CCNH: variants seen among roughly 807,000 people sequenced by gnomAD.
The protein encoded by CCNH is cyclin-H.
CCNH carries 31 observed loss-of-function variants against 41.9 expected under a neutral mutation model. The ratio of observed to expected loss-of-function variants is 0.74; its 90% CI spans 0.56 to 1.00. The LOEUF (loss-of-function observed/expected upper bound fraction) is 1.00. Among genes scored for constraint, CCNH ranks in the 50% least tolerant of loss-of-function variants. CCNH has a pLI of 0.00. For synonymous variants in CCNH, 138 were observed against 136.1 expected, an observed-to-expected ratio of 1.01 and a Z score of -0.10; for missense variants, 362 against 388.4, an observed-to-expected ratio of 0.93 and a Z score of 0.57.
chr5:87,358,881 C>T (rs1027366225), intron 9 of CCNH, among the ~76,000 whole-genome samples: 1 of 152,296 alleles, frequency 6.6e-6, no homozygotes, highest in East Asian at 1.9e-4. Context: ...ATTGTTTTCT[C>T]TTGGATATCC....
At chr5:87,399,634 T>C (rs1395834329) in intron 6 of CCNH, 129 bp from the exon 7 acceptor site, 2 of 667,718 alleles carry the variant, frequency 3.0e-6, no homozygotes, top group East Asian at 5.1e-5. Flanking sequence ...TTCTCAGGAT[T>C]TGCATCATTC....
chr5:87,374,139 ATATATATAT>A, downstream of CCNH: 1 of 1,374,660 alleles, frequency 7.3e-7, no homozygotes. Context: ...GGTAATATAT[ATATATATAT>A]TTTTTTTTTT....
intron 9 of CCNH, among the ~76,000 whole-genome samples, chr5:87,323,096 G>C (rs1208927317): frequency 6.6e-6 from 1 of 152,178 alleles, no homozygotes; most frequent in African/African-American, 2.4e-5. Flanking sequence ...AATTTGAGCT[G>C]ATGGATAACT....
chr5:87,391,621 T>G (rs1762526936), downstream of CCNH: 1 of 234,924 alleles, frequency 4.3e-6, no homozygotes, highest in Non-Finnish European at 8.4e-6. Flanking sequence ...TAAATATTAT[T>G]GGTTGTTGTA....
At chr5:87,347,879 G>T (rs1282844713) in intron 9 of CCNH, among the ~76,000 whole-genome samples, 1 of 151,942 alleles carries the variant, frequency 6.6e-6, no homozygotes, top group East Asian at 1.9e-4. Context: ...GTACCACCAA[G>T]TACTTGAGGT....
chr5:87,389,563 T>C, downstream of CCNH: 1 of 1,609,220 alleles, frequency 6.2e-7, no homozygotes, highest in Non-Finnish European at 8.5e-7. Flanking sequence ...CAATGATGTT[T>C]CAAAGATAAC....
chr5:87,394,768 C>A, intron 8 of CCNH: 1 of 1,340,636 alleles, frequency 7.5e-7, no homozygotes, highest in Non-Finnish European at 9.5e-7. Flanking sequence ...AGGGAAAAAT[C>A]CTTGGAGAAT....
downstream of CCNH, among the ~76,000 whole-genome samples, chr5:87,375,126 A>C (rs935033416): frequency 6.6e-6 from 1 of 152,178 alleles, no homozygotes; most frequent in African/African-American, 2.4e-5. Context: ...AACTGTACAC[A>C]CTGTTAAGCA....
At chr5:87,378,271 C>A, upstream of CCNH, 1 of 1,086,826 alleles carries the variant, frequency 9.2e-7, no homozygotes, top group Non-Finnish European at 1.4e-6. Flanking sequence ...ACTTTCAACG[C>A]TGCACGCAAA....
chr5:87,390,272 A>T (rs1762403031), downstream of CCNH, among the ~76,000 whole-genome samples: 1 of 152,196 alleles, frequency 6.6e-6, no homozygotes, highest in African/African-American at 2.4e-5. Context: ...AGTTTTGACT[A>T]GTTTCTAATG....
At chr5:87,346,527 A>C (rs1758872197) in intron 9 of CCNH, 6 of 499,858 alleles carry the variant, frequency 1.2e-5, no homozygotes, top group Non-Finnish European at 1.5e-5. Context: ...AAATGTATTA[A>C]AATGTAATAA....
the CCNH span, among the ~76,000 whole-genome samples, chr5:87,312,953 A>G: frequency 5.3e-5 from 8 of 152,300 alleles, 1 homozygote; most frequent in African/African-American, 1.9e-4. Flanking sequence ...AGTAGGCCAG[A>G]TTATTGAAGG....
rs576682118 is a variant in CCNH, at chr5:87,319,251, G to A, written c.*91-354C>T. ...CTGTCAGTGGATCTACCCTTGTGGG[G>A]TCTGGAGGATGATGGCCCTCTTCCC... On this transcript the variant is annotated intron_variant and NMD_transcript_variant, in intron 9 of 9. Coordinates refer to the CCNH transcript ENST00000645953. Among the ~76,000 whole-genome samples, 36 of 152,356 alleles carry A rather than the reference G, an allele frequency of 2.4e-4. No individual in the cohort carries two copies. In the South Asian group the frequency reaches 6.2e-3, roughly 26 times the overall value.
rs940925859 is a variant in CCNH at position 87,404,996 on chromosome 5, G to C, written c.537C>G (p.Pro179=). Residue 179 remains proline, a synonymous_variant, in exon 5 of 9, where the codon CCC becomes CCG. Transcript: ENST00000256897. ...GFLIDLKTRY[P]ILENPEILRK... ...TCAAAATCTCTGGATTCTCCAATAT[G>C]GGATAGCGGGTCTACAAAGAAAGTT... The C allele has an allele frequency of 6.2e-6, 10 of 1,609,970 alleles. No individual in the cohort carries two copies. The highest frequency in any genetic ancestry group is 8.5e-6 in the Non-Finnish European group (10 of 1,178,344).
At chr5:87,380,638 T>G (rs1333678079), upstream of CCNH, 3 of 1,480,368 alleles carry the variant, frequency 2.0e-6, no homozygotes, top group South Asian at 3.4e-5. Context: ...TACTAATAGG[T>G]GGATAATTGT....
chr5:87,320,990 A>G (rs1307903471), intron 9 of CCNH, among the ~76,000 whole-genome samples: 1 of 152,202 alleles, frequency 6.6e-6, no homozygotes, highest in South Asian at 2.1e-4. Context: ...TTGAATAGCA[A>G]TTTGTACACT....
chr5:87,337,831 G>A, intron 9 of CCNH: 2 of 817,574 alleles, frequency 2.4e-6, no homozygotes, highest in Middle Eastern at 4.0e-4. Context: ...GCCAGAAATA[G>A]GATACAAATT....
Position 87,395,099 on chromosome 5 carries a change from T to C in CCNH, c.878A>G (p.Lys293Arg), listed in dbSNP as rs374699547. Reference protein sequence around the residue: ...AELALNVITKKRKGYEDDDYV... With the variant: ...AELALNVITKRRKGYEDDDYV... ...ATCATCATCTTCATAGCCTTTCCTCTTCTTCCTATAATTAAGCAACTATCA... is the reference window on the plus strand; with the variant it reads ...ATCATCATCTTCATAGCCTTTCCTCCTCTTCCTATAATTAAGCAACTATCA... The change falls in exon 8 of 9, where the codon AAG becomes AGG. Residue 293 changes from lysine to arginine, a missense_variant. By Grantham distance (26) the Lys-to-Arg change is conservative. Coordinates refer to ENST00000256897, the MANE Select transcript of CCNH (RefSeq NM_001239.4). 4.3e-5 allele frequency: 70 copies of C among 1,610,562 alleles called. No homozygotes were observed. Among genetic ancestry groups the C allele is most frequent in the Non-Finnish European group, 5.7e-5 (67 of 1,178,046 alleles).
chr5:87,356,695 A>G (rs537502787), intron 9 of CCNH, among the ~76,000 whole-genome samples: 1 of 152,308 alleles, frequency 6.6e-6, no homozygotes, highest in East Asian at 1.9e-4. Context: ...GTAATAAAAT[A>G]TTTTTAAATT....
Sources: gnomAD v4.1 joint callset for allele counts (sites outside exome capture counted in the v4.1 genomes callset) on GRCh38, gnomAD v4.1.1 for gene constraint, MANE v1.5 for transcripts, NCBI Gene and HGNC (gene_info 2026-07-23, HGNC 2026-07-21) for gene names.